CSF3R: variants seen among roughly 807,000 people sequenced by gnomAD.
The protein encoded by CSF3R is granulocyte colony-stimulating factor receptor.
In CSF3R, 52 loss-of-function variants were observed where a neutral mutation model predicts 84.4. That is an observed-to-expected ratio of 0.62 (90% CI 0.49 to 0.78). The LOEUF is 0.78. Among genes scored for constraint, CSF3R ranks in the 30% least tolerant of loss-of-function variants. The probability of loss-of-function intolerance (pLI) is 0.00; values close to 1 mark genes in which losing one functional copy is unlikely to be tolerated. For synonymous variants in CSF3R, 384 were observed against 429.1 expected (o/e 0.89, Z 1.30); for missense variants, 890 against 1,055.7 (o/e 0.84, Z 2.17).
In CSF3R at chr1:36,479,502, C is replaced by G; in HGVS notation, c.-6G>C. ...CAGTTTCCCAGCCTTGCCATAGCAC[C>G]AACTTGATGTTCACCTGTAGGCAGA... On this transcript the variant is annotated 5_prime_UTR_variant, in exon 3 of 17. Coordinates refer to ENST00000373106, the MANE Select transcript of CSF3R (RefSeq NM_000760.4). 1 of 1,613,988 alleles carries G rather than the reference C, an allele frequency of 6.2e-7. No homozygotes were observed. Among genetic ancestry groups the G allele is most frequent in the Non-Finnish European group, 8.5e-7 (1 of 1,179,872 alleles).
In CSF3R at chr1:36,467,240, A is replaced by G; in HGVS notation, c.2030T>C (p.Ile677Thr). The G allele has an allele frequency of 6.2e-7, 1 of 1,614,104 alleles. No individual in the cohort carries two copies. The highest frequency in any genetic ancestry group is 8.5e-7 in the Non-Finnish European group (1 of 1,179,988). ...CTCCTGGATTCTCACCTCCTCCATGATTGTGGGCACCCAGGAGCCCAGGCT... is the reference window on the plus strand; with the variant it reads ...CTCCTGGATTCTCACCTCCTCCATGGTTGTGGGCACCCAGGAGCCCAGGCT... ...HSSLGSWVPT[I>T]MEEDAFQLPG... The change falls in exon 16 of 17, where the codon ATC becomes ACC. Residue 677 changes from isoleucine to threonine, a missense_variant. Transcript: ENST00000373106. The surrounding 1 kb of genome is among the most constrained non-coding windows in gnomAD (Gnocchi z 4.1).
chr1:36,469,094 C>G, intron 12 of CSF3R, 62 bp downstream of exon 12: 1 of 1,230,092 alleles, frequency 8.1e-7, no homozygotes, highest in Non-Finnish European at 1.2e-6. Flanking sequence ...TTGCTGGGGA[C>G]CAGGCAGAGC....
chr1:36,479,274 G>A (rs1651369785), intron 3 of CSF3R, 159 bp downstream of exon 3: 4 of 766,736 alleles, frequency 5.2e-6, no homozygotes, highest in African/African-American at 1.7e-5. Flanking sequence ...GTGGAAGTCT[G>A]TGGGTGGGAG....
rs757856662 is a variant in CSF3R, at chr1:36,469,144, T to G, written c.1576+12A>C. On this transcript the variant is annotated intron_variant, in intron 12 of 16. Transcript: ENST00000373106. ...GAGAGGATTCTGGAAAGGGGCCTGA[T>G]AGTTGACAAACCCATTTCTTGAGAG... 5 of 1,595,198 alleles carry G rather than the reference T, an allele frequency of 3.1e-6. No homozygotes were observed. The highest frequency in any genetic ancestry group is 2.2e-5 in the South Asian group (2 of 90,656).
At position 36,467,978 on chromosome 1, in the gene CSF3R, G is replaced by A. The variant is rs1006744863; in HGVS notation, c.1724-16C>T. On this transcript the variant is annotated splice_polypyrimidine_tract_variant and intron_variant, in intron 13 of 16. Transcript: ENST00000373106. The surrounding 1 kb of genome is among the most constrained non-coding windows in gnomAD (Gnocchi z 4.1). ...AGGATGGCGGCTGGGAGGGGTGTAC[G>A]GTCAGCATAGGCCTGGATGGTAAAG... The A allele has an allele frequency of 8.1e-6, 13 of 1,614,054 alleles. No individual in the cohort carries two copies. Among genetic ancestry groups the A allele is most frequent in the African/African-American group, 2.7e-5 (2 of 74,942 alleles).
rs1167125498 is a variant in CSF3R at position 36,466,708 on chromosome 1, G to A, written c.2160C>T (p.Leu720=). 1 of 1,614,232 alleles carries A rather than the reference G, an allele frequency of 6.2e-7. No homozygotes were observed. The highest frequency in any genetic ancestry group is 1.3e-5 in the African/African-American group (1 of 75,066). ...ESHNSSETCG[L]PTLVQTYVLQ... The stretch of plus-strand genomic sequence containing the variant: ...GCACATAGGTCTGGACCAGAGTGGG[G>A]AGGCCACAGGTCTCTGAGCTGTTAT... The change falls in exon 17 of 17, where the codon CTC becomes CTT. Residue 720 remains leucine, a synonymous_variant. Coordinates refer to ENST00000373106, the MANE Select transcript of CSF3R (RefSeq NM_000760.4). The surrounding 1 kb of genome is among the most constrained non-coding windows in gnomAD (Gnocchi z 4.6).
intron 3 of CSF3R, among the ~76,000 whole-genome samples, chr1:36,478,409 A>T (rs1228811730): frequency 1.3e-5 from 2 of 151,816 alleles, no homozygotes; most frequent in Non-Finnish European, 1.5e-5. Context: ...GGTGCCTGTA[A>T]TCCCAGCTAT....
rs1650365984 is a variant in CSF3R at position 36,466,973 on chromosome 1, A to G, written c.2041-146T>C. 3.8e-6 allele frequency: 6 copies of G among 1,586,234 alleles called. No homozygotes were observed. The highest frequency in any genetic ancestry group is 1.3e-5 in the African/African-American group (1 of 74,512). Reference sequence around the variant, plus strand: ...AGGGTACCACTTGCAAAGCACTAGTATGTTCCTCACACATGCCTGACACAT... The same window carrying G: ...AGGGTACCACTTGCAAAGCACTAGTGTGTTCCTCACACATGCCTGACACAT... On this transcript the variant is annotated intron_variant, in intron 16 of 16. Coordinates refer to ENST00000373106, the MANE Select transcript of CSF3R (RefSeq NM_000760.4). The surrounding 1 kb of genome is among the most constrained non-coding windows in gnomAD (Gnocchi z 4.6).
intron 10 of CSF3R, among the ~76,000 whole-genome samples, chr1:36,470,451 C>T (rs531255611): frequency 6.6e-6 from 1 of 152,336 alleles, no homozygotes; most frequent in East Asian, 1.9e-4. Flanking sequence ...TCCCAAAGTG[C>T]TGGGATTACA....
At chr1:36,479,914 G>C (rs1651411370) in intron 2 of CSF3R, 2 of 339,332 alleles carry the variant, frequency 5.9e-6, no homozygotes, top group South Asian at 4.7e-5. Context: ...CCTAGCAGCA[G>C]ATAAGGGACT....
rs746278130 is a variant in CSF3R, at chr1:36,467,775, G to T, written c.1864+47C>A. ...CTCAAAATCAGCATCCTTTGGGTGG[G>T]GTACCCTCCAAACAGCCATCTCTGC... On this transcript the variant is annotated intron_variant, in intron 14 of 16. Transcript: ENST00000373106. This position sits in a 1 kb window ranked among gnomAD's most constrained non-coding sequence, Gnocchi z 4.1. The T allele has an allele frequency of 1.2e-6, 2 of 1,614,018 alleles. No homozygotes were observed. The highest frequency in any genetic ancestry group is 3.3e-5 in the Admixed American group (2 of 60,030).
In CSF3R at chr1:36,472,023, CGGGAGG is replaced by C. The variant is rs1650779943; in HGVS notation, c.1071+37_1071+42del. 6.3e-7 allele frequency: 1 copy of C among 1,588,728 alleles called. No individual in the cohort carries two copies. The highest frequency in any genetic ancestry group is 1.3e-5 in the African/African-American group (1 of 74,414). ...GGTTTGTAGGGATCTGTTTGGACTG[CGGGAGG>C]TGTCGAGGTGGAGGGATGGCCTTCA... is the stretch of plus-strand genomic sequence containing the variant. On this transcript the variant is annotated intron_variant, in intron 9 of 16. Transcript: ENST00000373106. This position sits in a 1 kb window ranked among gnomAD's most constrained non-coding sequence, Gnocchi z 5.0.
At chr1:36,475,309 T>C in intron 4 of CSF3R, 68 bp downstream of exon 4, 1 of 1,591,240 alleles carries the variant, frequency 6.3e-7, no homozygotes, top group Non-Finnish European at 8.6e-7. Context: ...GCCCGGCTGG[T>C]AATATTCTTA....
In CSF3R at chr1:36,473,793, T is replaced by C. The variant is rs373296999; in HGVS notation, c.456A>G (p.Leu152=). ...AACTCTTCAGAGTGAAGCTGGTGGG[T>C]AGGTGGGTCTCAGGTCCTGGCTCCC... ...CQWEPGPETH[L]PTSFTLKSFK... The change falls in exon 5 of 17, where the codon CTA becomes CTG. Residue 152 remains leucine (L), a synonymous_variant. Transcript: ENST00000373106. The C allele has an allele frequency of 9.3e-6, 15 of 1,614,008 alleles. No homozygotes were observed. Among genetic ancestry groups the C allele is most frequent in the Non-Finnish European group, 1.3e-5 (15 of 1,180,018 alleles).
intron 3 of CSF3R, 52 bp from the exon 4 acceptor site, chr1:36,475,725 G>C (rs778962752): frequency 6.4e-7 from 1 of 1,559,654 alleles, no homozygotes; most frequent in Admixed American, 1.8e-5. Flanking sequence ...AGCAGAGCTG[G>C]GCTATAATCT....
Position 36,478,856 on chromosome 1 carries a change from C to T in CSF3R, c.64+577G>A, listed in dbSNP as rs183186506. 546 of 200,276 alleles carry T rather than the reference C, an allele frequency of 2.7e-3. 2 individuals carry two copies. Among genetic ancestry groups the T allele is most frequent in the Non-Finnish European group, 3.8e-3 (368 of 96,162 alleles). 12.4% of individuals were successfully genotyped at this position (200,276 alleles called of 1,614,324 possible). ...ACAGAGGGAGACCCTGTCTCACAAA[C>T]GAACAAACAAACAAACAAACAAACA... On this transcript the variant is annotated intron_variant, in intron 3 of 16. Transcript: ENST00000373106.
In CSF3R at chr1:36,469,267, G is replaced by A. The variant is rs375019697; in HGVS notation, c.1475-10C>T. 2 of 1,606,934 alleles carry A rather than the reference G, an allele frequency of 1.2e-6. No individual in the cohort carries two copies. Among genetic ancestry groups the A allele is most frequent in the Admixed American group, 1.7e-5 (1 of 60,004 alleles). On this transcript the variant is annotated splice_polypyrimidine_tract_variant and intron_variant, in intron 11 of 16. Coordinates refer to ENST00000373106, the MANE Select transcript of CSF3R (RefSeq NM_000760.4). ...AAGGGCCTGATGTTCTCTGTAGAGAGAAAATGGGGTAGGCACTTCTGTTAG... is the reference window on the plus strand; with the variant it reads ...AAGGGCCTGATGTTCTCTGTAGAGAAAAAATGGGGTAGGCACTTCTGTTAG...
Position 36,467,004 on chromosome 1 carries a change from G to T in CSF3R, c.2041-177C>A. On this transcript the variant is annotated intron_variant, in intron 16 of 16. Coordinates refer to ENST00000373106, the MANE Select transcript of CSF3R (RefSeq NM_000760.4). This position sits in a 1 kb window ranked among gnomAD's most constrained non-coding sequence, Gnocchi z 4.1. ...CTCACACATGCCTGACACATGCCAT[G>T]CACCGTTCAGACTCAGCATGGTCAG... is the stretch of plus-strand genomic sequence containing the variant. The T allele has an allele frequency of 6.8e-7, 1 of 1,480,930 alleles. No homozygotes were observed. Among genetic ancestry groups the T allele is most frequent in the Non-Finnish European group, 9.3e-7 (1 of 1,079,484 alleles). 91.7% of individuals were successfully genotyped at this position (1,480,930 alleles called of 1,614,324 possible).
rs376317083 is a variant in CSF3R, at chr1:36,466,794, G to A, written c.2074C>T (p.Pro692Ser). The A allele has an allele frequency of 8.7e-6, 14 of 1,614,098 alleles. No individual in the cohort carries two copies. In the African/African-American group the frequency reaches 1.7e-4, roughly 20 times the overall value. ...AFQLPGLGTP[P>S]ITKLTVLEED... The stretch of plus-strand genomic sequence containing the variant: ...TCCAGCACTGTGAGCTTGGTGATGG[G>A]TGGCGTGCCAAGGCCGGGCAGCTGG... The change falls in exon 17 of 17, where the codon CCC (proline) becomes TCC (serine). Residue 692 changes from proline (P) to serine (S), a missense_variant. Physicochemically the swap from Pro to Ser is moderately conservative, Grantham distance 74. Transcript: ENST00000373106. The surrounding 1 kb of genome is among the most constrained non-coding windows in gnomAD (Gnocchi z 4.6).
Sources: allele counts gnomAD v4.1 joint callset (sites outside exome capture counted in the v4.1 genomes callset), GRCh38; gene constraint gnomAD v4.1.1; non-coding constraint Gnocchi (gnomAD v3.1); transcripts MANE v1.5; gene names NCBI Gene and HGNC (gene_info 2026-07-23, HGNC 2026-07-21).